RAD51B: variants seen among roughly 807,000 people sequenced by gnomAD.
RAD51B encodes DNA repair protein RAD51 homolog 2.
In RAD51B, 38 loss-of-function variants were observed where a neutral mutation model predicts 42.2. The observed-to-expected ratio is 0.90, with a 90% CI of 0.70 to 1.18. RAD51B has a LOEUF of 1.18. Among genes scored for constraint, RAD51B ranks in the 50% most tolerant of loss-of-function variants. RAD51B has a pLI of 0.00. For synonymous variants in RAD51B, 154 were observed against 145.2 expected, an observed-to-expected ratio of 1.06 and a Z score of -0.43; for missense variants, 373 against 400.7, an observed-to-expected ratio of 0.93 and a Z score of 0.59.
rs555211437 is a variant in RAD51B at position 68,607,547 on chromosome 14, C to T, written c.1037-3459C>T. On this transcript the variant is annotated intron_variant, in intron 10 of 10. Transcript: ENST00000487861. ...GCCCACGTCCGCCCTTTTCTGTTTACACTGGGAGATGAGCTTCTGCCGAGC... is the reference window on the plus strand; with the variant it reads ...GCCCACGTCCGCCCTTTTCTGTTTATACTGGGAGATGAGCTTCTGCCGAGC... Among the ~76,000 whole-genome samples the T allele has an allele frequency of 3.3e-5, 5 of 152,346 alleles. No homozygotes were observed. In the East Asian group the frequency reaches 5.8e-4, roughly 18 times the overall value.
At chr14:68,316,271 C>T (rs943163616) in intron 8 of RAD51B, among the ~76,000 whole-genome samples, 9 of 152,228 alleles carry the variant, frequency 5.9e-5, no homozygotes, top group African/African-American at 2.2e-4. Flanking sequence ...CAGGGCACAA[C>T]AGCCCTTGGC....
intron 7 of RAD51B, among the ~76,000 whole-genome samples, chr14:68,175,434 C>T (rs2078945631): frequency 6.6e-6 from 1 of 152,108 alleles, no homozygotes; most frequent in Non-Finnish European, 1.5e-5. Flanking sequence ...GTTCTCCCAC[C>T]CGTGTTTGGG....
At chr14:67,962,829 T>C (rs2074697564) in intron 7 of RAD51B, among the ~76,000 whole-genome samples, 1 of 152,162 alleles carries the variant, frequency 6.6e-6, no homozygotes, top group Non-Finnish European at 1.5e-5. Flanking sequence ...GTAAACACTC[T>C]ACATCATGGC....
At chr14:67,879,384 A>G (rs1301930069) in intron 5 of RAD51B, among the ~76,000 whole-genome samples, 1 of 152,218 alleles carries the variant, frequency 6.6e-6, no homozygotes, top group South Asian at 2.1e-4. Flanking sequence ...ATTGAATAAC[A>G]GGAGACTGTG....
intron 7 of RAD51B, among the ~76,000 whole-genome samples, chr14:68,245,705 C>A (rs544717467): frequency 6.6e-6 from 1 of 152,182 alleles, no homozygotes; most frequent in Non-Finnish European, 1.5e-5. Context: ...GGGCTCTAAT[C>A]CCACAATCTG....
At chr14:68,350,750 G>A (rs1167470684) in intron 8 of RAD51B, among the ~76,000 whole-genome samples, 1 of 152,176 alleles carries the variant, frequency 6.6e-6, no homozygotes, top group African/African-American at 2.4e-5. Flanking sequence ...AACTCCCTCT[G>A]CCTCTATTCA....
intron 7 of RAD51B, among the ~76,000 whole-genome samples, chr14:68,167,706 G>A (rs912080959): frequency 6.6e-6 from 1 of 152,032 alleles, no homozygotes; most frequent in African/African-American, 2.4e-5. Context: ...GGGACAACAG[G>A]AATACTCCTG....
chr14:68,561,017 T>C (rs1294023295), intron 10 of RAD51B, among the ~76,000 whole-genome samples: 1 of 152,196 alleles, frequency 6.6e-6, no homozygotes, highest in African/African-American at 2.4e-5. Flanking sequence ...CTTGGAACTT[T>C]CTTGGAGCAT....
intron 9 of RAD51B, chr14:68,422,271 G>C (rs951410966): frequency 1.3e-6 from 1 of 742,802 alleles, no homozygotes; most frequent in Non-Finnish European, 2.4e-6. Flanking sequence ...ATAAAATTAG[G>C]GGTAGAGGAG....
chr14:68,500,706 C>G (rs1884856656), intron 10 of RAD51B, among the ~76,000 whole-genome samples: 1 of 152,336 alleles, frequency 6.6e-6, no homozygotes, highest in East Asian at 1.9e-4. Flanking sequence ...TTTCTCTCAG[C>G]TCCAGGGCTC....
intron 9 of RAD51B, among the ~76,000 whole-genome samples, chr14:68,439,414 T>C (rs1222999229): frequency 6.6e-6 from 1 of 152,180 alleles, no homozygotes; most frequent in Admixed American, 6.6e-5. Context: ...TCATTTCAGC[T>C]CTTCTAACAC....
At position 68,353,472 on chromosome 14, in the gene RAD51B, A is replaced by C. The variant is rs559544150; in HGVS notation, c.854-57952A>C. 3.3e-4 allele frequency among the ~76,000 whole-genome samples: 50 copies of C among 152,284 alleles called. 1 individual carries two copies. The South Asian group carries it at 6.8e-3, about 21-fold the overall frequency. On this transcript the variant is annotated intron_variant, in intron 8 of 10. Transcript: ENST00000471583. ...GAGGAGGACTTGTGGGAAGTGCTGG[A>C]ATATCAGGGCTAGAATATTGCCACA...
chr14:68,102,017 C>G (rs1468181223), intron 7 of RAD51B, among the ~76,000 whole-genome samples: 1 of 152,216 alleles, frequency 6.6e-6, no homozygotes, highest in East Asian at 1.9e-4. Flanking sequence ...CACATGGAAG[C>G]TGCCAAGGCT....
At chr14:68,037,185 C>T (rs1315869017) in intron 7 of RAD51B, among the ~76,000 whole-genome samples, 1 of 51,796 alleles carries the variant, frequency 1.9e-5, no homozygotes, top group Non-Finnish European at 3.7e-5. Context: ...CTCCCCTCCC[C>T]TCTCCTCTCC....
chr14:68,403,216 C>T (rs572137480), intron 8 of RAD51B, among the ~76,000 whole-genome samples: 16 of 152,254 alleles, frequency 1.1e-4, no homozygotes, highest in Non-Finnish European at 1.5e-4. Context: ...TCTGCAGGGA[C>T]TGGAGGGACC....
chr14:68,540,908 A>G, intron 10 of RAD51B: 1 of 985,438 alleles, frequency 1.0e-6, no homozygotes, highest in Middle Eastern at 5.2e-4. Context: ...GGGCCAGATG[A>G]TGTGAAGTTT....
At chr14:68,610,288 C>T (rs1891626194) in intron 10 of RAD51B, among the ~76,000 whole-genome samples, 1 of 152,190 alleles carries the variant, frequency 6.6e-6, no homozygotes, top group Non-Finnish European at 1.5e-5. Flanking sequence ...CCTGAAGGAG[C>T]TTCTGCTCTA....
At chr14:68,088,197 G>A (rs1038013712) in intron 7 of RAD51B, among the ~76,000 whole-genome samples, 2 of 150,910 alleles carry the variant, frequency 1.3e-5, no homozygotes, top group Non-Finnish European at 2.9e-5. Flanking sequence ...ATAAGTTTTT[G>A]TAAGGACAAA....
At chr14:68,242,055 C>T (rs1266191362) in intron 7 of RAD51B, among the ~76,000 whole-genome samples, 1 of 152,226 alleles carries the variant, frequency 6.6e-6, no homozygotes, top group African/African-American at 2.4e-5. Context: ...GTTTCTGCCA[C>T]CTGTGCCTTG....
Sources: allele counts gnomAD v4.1 joint callset (sites outside exome capture counted in the v4.1 genomes callset), GRCh38; gene constraint gnomAD v4.1.1; transcripts MANE v1.5; gene names NCBI Gene and HGNC (gene_info 2026-07-23, HGNC 2026-07-21).